CAMK4: variants seen among roughly 807,000 people sequenced by gnomAD.
CAMK4 encodes calcium/calmodulin-dependent protein kinase type IV.
In CAMK4, 22 loss-of-function variants were observed where a neutral mutation model predicts 44.9. The observed-to-expected ratio is 0.49, with a 90% CI of 0.35 to 0.70. The LOEUF (loss-of-function observed/expected upper bound fraction) is 0.70, where lower values mean the gene tolerates loss of function less well. Among genes scored for constraint, CAMK4 ranks in the 30% least tolerant of loss-of-function variants. CAMK4 has a pLI of 0.01. For missense variants in CAMK4, 498 were observed against 586.8 expected (o/e 0.85, Z 1.56); for synonymous variants, 218 against 215.4 (o/e 1.01, Z -0.11).
At chr5:111,405,709 A>G (rs970536577) in intron 5 of CAMK4, among the ~76,000 whole-genome samples, 2 of 152,192 alleles carry the variant, frequency 1.3e-5, no homozygotes, top group Admixed American at 6.5e-5. Context: ...AATGGTTCAC[A>G]TGATTCTGCA....
At chr5:111,394,054 C>T (rs1157743052) in intron 4 of CAMK4, among the ~76,000 whole-genome samples, 3 of 151,730 alleles carry the variant, frequency 2.0e-5, no homozygotes, top group Non-Finnish European at 4.4e-5. Context: ...GGAGAAAATA[C>T]TCGTTAAAAA....
chr5:111,412,398 A>T (rs1316413274), intron 5 of CAMK4, among the ~76,000 whole-genome samples: 1 of 152,256 alleles, frequency 6.6e-6, no homozygotes, highest in East Asian at 1.9e-4. Context: ...ATAAACATCC[A>T]GATTTACCCT....
At chr5:111,461,235 C>G (rs1234776083) in intron 7 of CAMK4, among the ~76,000 whole-genome samples, 1 of 152,186 alleles carries the variant, frequency 6.6e-6, no homozygotes, top group Non-Finnish European at 1.5e-5. Context: ...CAGTCCTTCT[C>G]AACCTTTCAG....
chr5:111,225,033 T>A (rs890518276), intron 1 of CAMK4, among the ~76,000 whole-genome samples: 3 of 152,134 alleles, frequency 2.0e-5, no homozygotes, highest in African/African-American at 7.2e-5. Context: ...AGGGTGCCCC[T>A]CCAAATCAAG....
chr5:111,233,592 G>C (rs1435619544), intron 1 of CAMK4, among the ~76,000 whole-genome samples: 1 of 152,098 alleles, frequency 6.6e-6, no homozygotes, highest in African/African-American at 2.4e-5. Flanking sequence ...TAACTAAATA[G>C]GTTTCAAATT....
At chr5:111,440,606 G>T (rs945610552) in intron 5 of CAMK4, among the ~76,000 whole-genome samples, 7 of 124,756 alleles carry the variant, frequency 5.6e-5, no homozygotes, top group Non-Finnish European at 1.2e-4. Flanking sequence ...TAGAAGATTT[G>T]TGGCAAATTA....
chr5:111,329,774 A>G (rs1472655432), intron 1 of CAMK4, among the ~76,000 whole-genome samples: 1 of 151,732 alleles, frequency 6.6e-6, no homozygotes, highest in East Asian at 1.9e-4. Context: ...GACAACATTC[A>G]CTGTCCATTC....
chr5:111,325,140 GCTTC>G (rs1200325799), intron 1 of CAMK4, among the ~76,000 whole-genome samples: 1 of 151,744 alleles, frequency 6.6e-6, no homozygotes, highest in Non-Finnish European at 1.5e-5. Flanking sequence ...GAAAATGATA[GCTTC>G]CAGCTTCATC....
chr5:111,346,270 G>C (rs889383419), intron 2 of CAMK4, among the ~76,000 whole-genome samples: 4 of 151,664 alleles, frequency 2.6e-5, no homozygotes, highest in Admixed American at 2.6e-4. Context: ...AAAACAAAAG[G>C]GTTCAGAAAA....
intron 2 of CAMK4, among the ~76,000 whole-genome samples, chr5:111,372,329 A>G (rs897590749): frequency 6.6e-6 from 1 of 152,182 alleles, no homozygotes; most frequent in Non-Finnish European, 1.5e-5. Flanking sequence ...GAGAGCGCTT[A>G]TGACCCATTC....
chr5:111,327,274 T>C (rs1377161932), intron 1 of CAMK4, among the ~76,000 whole-genome samples: 1 of 150,748 alleles, frequency 6.6e-6, no homozygotes, highest in Non-Finnish European at 1.5e-5. Context: ...TTTTTTGTCC[T>C]TGTGATAGTT....
At chr5:111,431,543 A>G (rs981538202) in intron 5 of CAMK4, among the ~76,000 whole-genome samples, 7 of 152,088 alleles carry the variant, frequency 4.6e-5, no homozygotes, top group African/African-American at 7.2e-5. Flanking sequence ...TTCTGCACGG[A>G]AAAGGATACA....
chr5:111,261,632 TA>T (rs1453199133), intron 1 of CAMK4, among the ~76,000 whole-genome samples: 1 of 152,018 alleles, frequency 6.6e-6, no homozygotes, highest in African/African-American at 2.4e-5. Context: ...GCCATCTTTT[TA>T]AAAATTTTAG....
intron 1 of CAMK4, among the ~76,000 whole-genome samples, chr5:111,239,558 A>G (rs1364824897): frequency 6.6e-6 from 1 of 152,220 alleles, no homozygotes; most frequent in Non-Finnish European, 1.5e-5. Flanking sequence ...TGAAAAGGAC[A>G]AGTTTTGGAG....
chr5:111,478,471 C>G lies in CAMK4; in HGVS notation c.792C>G (p.Pro264=). 1 of 1,544,960 alleles carries G rather than the reference C, an allele frequency of 6.5e-7. No individual in the cohort carries two copies. The highest frequency in any genetic ancestry group is 8.9e-7 in the Non-Finnish European group (1 of 1,122,002). The change falls in exon 9 of 11, where the codon CCC becomes CCG. Residue 264 remains proline, a synonymous_variant. Transcript: ENST00000282356. ...ATTGTGAATATTACTTTATCTCCCC[C>G]TGGTGGGATGAAGTATCTCTAAATG... The part of the protein sequence containing the change: ...ILNCEYYFIS[P]WWDEVSLNAK...
intron 1 of CAMK4, among the ~76,000 whole-genome samples, chr5:111,232,325 C>G (rs997424974): frequency 6.6e-6 from 1 of 152,026 alleles, no homozygotes; most frequent in Admixed American, 6.6e-5. Context: ...ATCTTCATGA[C>G]AGAGTTGTGA....
At chr5:111,451,405 C>T (rs1209355572) in intron 7 of CAMK4, among the ~76,000 whole-genome samples, 6 of 152,000 alleles carry the variant, frequency 3.9e-5, no homozygotes. Context: ...TCAATTGATT[C>T]TCATTCCTCA....
chr5:111,489,298 CA>C lies in CAMK4; in HGVS notation c.*4833del, dbSNP rs1755734192. ...TGGAGAGATATCAGCAAACCACCCA[CA>C]GTAACCAAGTTCAGTATTTCCTCTT... On this transcript the variant is annotated 3_prime_UTR_variant, in exon 11 of 11. Coordinates refer to ENST00000282356, the MANE Select transcript of CAMK4 (RefSeq NM_001744.6). 1 of 152,170 alleles carries C rather than the reference CA, an allele frequency of 6.6e-6. No individual in the cohort carries two copies. Among genetic ancestry groups the C allele is most frequent in the Non-Finnish European group, 1.5e-5 (1 of 68,022 alleles). 9.4% of individuals were successfully genotyped at this position (152,170 alleles called of 1,614,324 possible).
chr5:111,235,204 C>A (rs1319247282), intron 1 of CAMK4, among the ~76,000 whole-genome samples: 2 of 152,184 alleles, frequency 1.3e-5, no homozygotes, highest in African/African-American at 4.8e-5. Context: ...AACAGACACA[C>A]AAAGTTGTTC....
Sources: allele counts gnomAD v4.1 joint callset (sites outside exome capture counted in the v4.1 genomes callset), GRCh38; gene constraint gnomAD v4.1.1; transcripts MANE v1.5; gene names NCBI Gene and HGNC (gene_info 2026-07-23, HGNC 2026-07-21).